The following MROH1 variants were observed in gnomAD, a reference collection of about 807,000 sequenced individuals.
MROH1 encodes maestro heat like repeat family member 1, also known as maestro heat-like repeat-containing protein family member 1.
MROH1 carries 117 observed loss-of-function variants against 116.5 expected under a neutral mutation model. The ratio of observed to expected loss-of-function variants is 1.00; its 90% CI spans 0.86 to 1.17. The LOEUF (loss-of-function observed/expected upper bound fraction) is 1.17. Ranked by LOEUF, MROH1 falls within the 50% of genes most tolerant of loss-of-function variation. The pLI, the probability that MROH1 is intolerant of heterozygous loss-of-function variation, is 0.00. For missense variants in MROH1, 1,873 were observed against 1,338.5 expected, an observed-to-expected ratio of 1.40 and a Z score of -6.23; for synonymous variants, 921 against 583.9, an observed-to-expected ratio of 1.58 and a Z score of -8.32.
chr8:144,158,720 T>C (rs978547355), intron 1 of MROH1, among the ~76,000 whole-genome samples: 1 of 151,824 alleles, frequency 6.6e-6, no homozygotes, highest in African/African-American at 2.4e-5. Flanking sequence ...ACATACTTTG[T>C]ATGCATTGAC....
At chr8:144,175,659 C>A (rs1260082205) in intron 4 of MROH1, 7 of 562,334 alleles carry the variant, frequency 1.2e-5, no homozygotes, top group Non-Finnish European at 4.5e-6. Context: ...TGCCAGGGCA[C>A]ACGCCTGTAA....
intron 14 of MROH1, among the ~76,000 whole-genome samples, chr8:144,233,869 A>T (rs1424501499): frequency 6.6e-6 from 1 of 152,192 alleles, no homozygotes; most frequent in Non-Finnish European, 1.5e-5. Context: ...TTTCAAGATC[A>T]TTTGGCTATT....
rs1840482322 is a variant in MROH1 at position 144,238,812 on chromosome 8, C to G, written c.1395C>G (p.Ile465Met). ...CCAAGGCCGACAGCGTGCGGGCCATCAGCGTGCGCACCCTCTACCTGGTCA... is the reference window on the plus strand; with the variant it reads ...CCAAGGCCGACAGCGTGCGGGCCATGAGCGTGCGCACCCTCTACCTGGTCA... ...KDPKADSVRA[I>M]SVRTLYLVST... is the part of the protein sequence containing the mutation. Residue 465 changes from isoleucine (I) to methionine (M), a missense_variant, in exon 15 of 44, where the codon ATC becomes ATG. Coordinates refer to ENST00000326134, the MANE Select transcript of MROH1 (RefSeq NM_032450.3). 2.6e-6 allele frequency: 2 copies of G among 775,144 alleles called. No individual in the cohort carries two copies. The highest frequency in any genetic ancestry group is 1.7e-5 in the African/African-American group (1 of 59,242). The allele number at this position is 775,144 out of a possible 1,614,324, so 48.0% of individuals were successfully genotyped here. A position where few individuals can be genotyped will look rare whatever the true frequency, so the allele number is the denominator to read the frequency against.
At chr8:144,164,040 G>C (rs1820179208) in intron 3 of MROH1, among the ~76,000 whole-genome samples, 192 bp downstream of exon 3, 1 of 151,940 alleles carries the variant, frequency 6.6e-6, no homozygotes, top group Non-Finnish European at 1.5e-5. Context: ...CCTTCAGTTT[G>C]GGACTCCAGA....
chr8:144,155,638 C>CTTTTT (rs1181004854), intron 1 of MROH1, among the ~76,000 whole-genome samples: 4 of 125,988 alleles, frequency 3.2e-5, no homozygotes, highest in Admixed American at 8.0e-5. Context: ...AGGTGTTTTT[C>CTTTTT]TTTTTTTTTT....
chr8:144,243,773 G>A (rs1270775452), intron 25 of MROH1, 90 bp from the exon 26 acceptor site: 23 of 740,824 alleles, frequency 3.1e-5, no homozygotes, highest in African/African-American at 5.2e-5. Flanking sequence ...CTCGGGCCCC[G>A]CCTGTCACTT....
intron 12 of MROH1, among the ~76,000 whole-genome samples, chr8:144,211,246 G>T (rs1470109460): frequency 6.6e-6 from 1 of 152,208 alleles, no homozygotes; most frequent in Non-Finnish European, 1.5e-5. Context: ...GTGATATGTG[G>T]TATTCTCTCC....
At chr8:144,232,205 C>T (rs1271275086) in intron 14 of MROH1, among the ~76,000 whole-genome samples, 1 of 152,158 alleles carries the variant, frequency 6.6e-6, no homozygotes, top group East Asian at 1.9e-4. Context: ...CCCCCACCTT[C>T]TACCCTTCCC....
At chr8:144,253,113 C>T (rs1041718132) in intron 33 of MROH1, among the ~76,000 whole-genome samples, 7 of 151,396 alleles carry the variant, frequency 4.6e-5, no homozygotes, top group South Asian at 2.1e-4. Context: ...GAGATCGCGC[C>T]GTTGCACTCC....
rs967344049 is a variant in MROH1, at chr8:144,180,834, C to T, written c.562+311C>T. On this transcript the variant is annotated intron_variant, in intron 7 of 43. Transcript: ENST00000326134. The surrounding 1 kb of genome is among the most constrained non-coding windows in gnomAD (Gnocchi z 7.4). ...AGCCATGACTTTTTGTTTTCCTCCC[C>T]ACTCCAGGCTAGAAAAGTGTCCGCT... 2.0e-5 allele frequency among the ~76,000 whole-genome samples: 3 copies of T among 152,130 alleles called. No homozygotes were observed. The highest frequency in any genetic ancestry group is 7.2e-5 in the African/African-American group (3 of 41,428).
rs1025223147 is a variant in MROH1 at position 144,261,765 on chromosome 8, G to A, written c.*25G>A. ...AGGCTCCGGCCAGCACCCCCAGCGAGGAGTATGCACCCAGACCTGTGCCTG... is the reference window on the plus strand; with the variant it reads ...AGGCTCCGGCCAGCACCCCCAGCGAAGAGTATGCACCCAGACCTGTGCCTG... On this transcript the variant is annotated 3_prime_UTR_variant, in exon 44 of 44. Transcript: ENST00000326134. The A allele has an allele frequency of 1.7e-5, 12 of 703,522 alleles. No homozygotes were observed. The highest frequency in any genetic ancestry group is 3.1e-5 in the Non-Finnish European group (12 of 385,882). 43.6% of individuals were successfully genotyped at this position (703,522 alleles called of 1,614,324 possible).
At chr8:144,210,606 TTGA>T (rs1474911450) in intron 12 of MROH1, among the ~76,000 whole-genome samples, 1 of 152,076 alleles carries the variant, frequency 6.6e-6, no homozygotes, top group Non-Finnish European at 1.5e-5. Flanking sequence ...TGAGAATCGC[TTGA>T]GCCCAGGTGG....
chr8:144,179,333 C>T (rs1824930061), intron 4 of MROH1, 122 bp from the exon 5 acceptor site: 2 of 1,391,892 alleles, frequency 1.4e-6, no homozygotes, highest in Admixed American at 2.1e-5. Context: ...GTGTACCCCT[C>T]CCCTCCTGCA....
At chr8:144,242,803 G>T (rs1256794852) in intron 24 of MROH1, among the ~76,000 whole-genome samples, 175 bp downstream of exon 24, 6 of 152,206 alleles carry the variant, frequency 3.9e-5, no homozygotes, top group African/African-American at 1.4e-4. Context: ...CCCTGGCCTG[G>T]GCCCTGGACG....
At chr8:144,167,454 TGGTGGAGTGGCCAGTTGG>T (rs1450019013) in intron 3 of MROH1, among the ~76,000 whole-genome samples, 8 of 47,072 alleles carry the variant, frequency 1.7e-4, no homozygotes, top group Non-Finnish European at 2.3e-4. Flanking sequence ...CCGGTTGTTG[TGGTGGAGTGGCCAGTTGG>T]GGTGGAGTGG....
chr8:144,248,609 G>T (rs1842307526), intron 31 of MROH1, among the ~76,000 whole-genome samples: 2 of 152,158 alleles, frequency 1.3e-5, no homozygotes, highest in South Asian at 4.1e-4. Context: ...CCTGAGGGAG[G>T]GTACTGTGAC....
intron 1 of MROH1, among the ~76,000 whole-genome samples, chr8:144,149,093 T>C (rs1245781542): frequency 6.6e-6 from 1 of 151,930 alleles, no homozygotes; most frequent in Admixed American, 6.6e-5. Context: ...GCGATGACCA[T>C]GGATGGAGAT....
chr8:144,207,796 T>C (rs1833171356), intron 12 of MROH1, among the ~76,000 whole-genome samples: 1 of 152,248 alleles, frequency 6.6e-6, no homozygotes, highest in Non-Finnish European at 1.5e-5. Flanking sequence ...AAGAAACCTT[T>C]GCCTGCTCAG....
At chr8:144,255,182 G>GT (rs1564572804) in intron 34 of MROH1, among the ~76,000 whole-genome samples, 7 of 149,688 alleles carry the variant, frequency 4.7e-5, no homozygotes, top group Middle Eastern at 3.2e-3. Flanking sequence ...GTTTTATCCT[G>GT]CGGAAAAAAA....
Sources: allele counts gnomAD v4.1 joint callset (sites outside exome capture counted in the v4.1 genomes callset), GRCh38; gene constraint gnomAD v4.1.1; non-coding constraint Gnocchi (gnomAD v3.1); transcripts MANE v1.5; gene names NCBI Gene and HGNC (gene_info 2026-07-23, HGNC 2026-07-21).